The following DDX46 variants were observed in gnomAD, a reference collection of about 807,000 sequenced individuals.
DDX46 encodes the protein DEAD-box helicase 46, also known as probable ATP-dependent RNA helicase DDX46.
A neutral mutation model predicts 134.9 loss-of-function variants in DDX46; 30 were observed. That is an observed-to-expected ratio of 0.22 (90% CI 0.17 to 0.30). DDX46 has a LOEUF of 0.30. Ranked by LOEUF, DDX46 falls within the 10% of genes least tolerant of loss-of-function variation. DDX46 has a pLI of 1.00. For synonymous variants in DDX46, 415 were observed against 404.1 expected (o/e 1.03, Z -0.32); for missense variants, 622 against 1,248.7 (o/e 0.50, Z 7.56).
At chr5:134,795,109 A>G (rs1300332089) in intron 14 of DDX46, 95 bp downstream of exon 14, 6 of 1,459,440 alleles carry the variant, frequency 4.1e-6, no homozygotes, top group Non-Finnish European at 5.6e-6. Context: ...AGGCAAGGTA[A>G]TTTCTAAAAT....
chr5:134,780,188 ATATATG>A (rs1298948475), intron 6 of DDX46, among the ~76,000 whole-genome samples: 2 of 151,030 alleles, frequency 1.3e-5, no homozygotes, highest in African/African-American at 2.4e-5. Flanking sequence ...GTGTGTATGT[ATATATG>A]TATGTGTATG....
At position 134,783,082 on chromosome 5, in the gene DDX46, T is replaced by G. The variant is rs200797730; in HGVS notation, c.1166+17T>G. 4.2e-5 allele frequency: 68 copies of G among 1,611,364 alleles called. No individual in the cohort carries two copies. Among genetic ancestry groups the G allele is most frequent in the African/African-American group, 4.0e-4 (30 of 74,986 alleles). On this transcript the variant is annotated intron_variant, in intron 9 of 22. Transcript: ENST00000452510. ...CCTCAAGAAGTAAGTGGTTGGTGGT[T>G]GTTTATGTTTTCCGTGTCTTGCTGC...
chr5:134,796,871 G>A (rs998561528), intron 15 of DDX46, among the ~76,000 whole-genome samples: 3 of 142,800 alleles, frequency 2.1e-5, no homozygotes, highest in African/African-American at 7.8e-5. Context: ...AAAAAAAAAG[G>A]CCAGGCGAGG....
chr5:134,782,108 T>G (rs2150140902), intron 8 of DDX46, 22 bp downstream of exon 8: 1 of 1,574,956 alleles, frequency 6.3e-7, no homozygotes, highest in Admixed American at 2.0e-5. Flanking sequence ...TTTTTTCATT[T>G]ACTGGTTATA....
intron 11 of DDX46, among the ~76,000 whole-genome samples, chr5:134,786,243 A>G (rs962039180): frequency 1.3e-5 from 2 of 152,182 alleles, no homozygotes; most frequent in Non-Finnish European, 2.9e-5. Context: ...GTGTATATGT[A>G]TATCAAACAT....
chr5:134,791,975 C>G (rs1249327974), intron 13 of DDX46, among the ~76,000 whole-genome samples: 2 of 152,102 alleles, frequency 1.3e-5, no homozygotes, highest in East Asian at 1.9e-4. Context: ...GTCAGGAGAT[C>G]AGCCTAGCCT....
At chr5:134,813,396 A>T (rs1227444506) in intron 18 of DDX46, among the ~76,000 whole-genome samples, 3 of 152,242 alleles carry the variant, frequency 2.0e-5, no homozygotes, top group Admixed American at 6.5e-5. Context: ...GTGAGATTGC[A>T]GTCATCTGCA....
Position 134,814,511 on chromosome 5 carries a change from G to A in DDX46, c.2437-1919G>A, listed in dbSNP as rs183882000. On this transcript the variant is annotated intron_variant, in intron 18 of 22. Transcript: ENST00000452510. ...CTGATTTTATGAATTTGTTCAGATT[G>A]TAATACCATGAATGCTATTTAATTT... Among the ~76,000 whole-genome samples, 315 of 152,284 alleles carry A rather than the reference G, an allele frequency of 2.1e-3. 1 individual carries two copies. The highest frequency in any genetic ancestry group is 6.9e-3 in the African/African-American group (288 of 41,548).
In DDX46 at chr5:134,784,374, A is replaced by G; in HGVS notation, c.1175A>G (p.Tyr392Cys). The stretch of plus-strand genomic sequence containing the variant: ...TTGGTTTTCTTTTTAAGGCATGGCT[A>G]TGAAAAGCCCACGCCCATCCAAACC... ...KILNSLKKHG[Y>C]EKPTPIQTQA... The change falls in exon 10 of 23, where the codon TAT becomes TGT. Residue 392 changes from tyrosine (Y) to cysteine (C), a missense_variant. By Grantham distance (194) the Tyr-to-Cys change is radical. Transcript: ENST00000452510. 2 of 1,602,028 alleles carry G rather than the reference A, an allele frequency of 1.2e-6. No individual in the cohort carries two copies. Among genetic ancestry groups the G allele is most frequent in the Non-Finnish European group, 1.7e-6 (2 of 1,176,022 alleles).
chr5:134,777,359 A>G (rs1019032431), intron 5 of DDX46, among the ~76,000 whole-genome samples: 2 of 152,176 alleles, frequency 1.3e-5, no homozygotes, highest in African/African-American at 4.8e-5. Context: ...ATTCATATTT[A>G]TTTTGTCATT....
chr5:134,760,150 A>G (rs935327834), intron 1 of DDX46, among the ~76,000 whole-genome samples: 2 of 152,200 alleles, frequency 1.3e-5, no homozygotes, highest in African/African-American at 4.8e-5. Context: ...AGATGATGGC[A>G]TGCCCCTGAC....
At chr5:134,781,549 A>G (rs940427609) in intron 7 of DDX46, among the ~76,000 whole-genome samples, 5 of 152,218 alleles carry the variant, frequency 3.3e-5, no homozygotes, top group African/African-American at 1.2e-4. Context: ...ATTAACACGT[A>G]AAGATTTATA....
At chr5:134,815,257 A>C (rs768697838) in intron 18 of DDX46, among the ~76,000 whole-genome samples, 39 of 152,224 alleles carry the variant, frequency 2.6e-4, no homozygotes, top group Non-Finnish European at 5.1e-4. Context: ...TTGTAAATTA[A>C]CCAATTAATT....
chr5:134,793,784 T>C (rs564405695), intron 13 of DDX46, among the ~76,000 whole-genome samples: 1 of 152,322 alleles, frequency 6.6e-6, no homozygotes, highest in East Asian at 1.9e-4. Flanking sequence ...TACTGTTTTT[T>C]ATTACTGTTA....
chr5:134,826,929 T>C lies in DDX46; in HGVS notation c.2978-18T>C. 1.2e-6 allele frequency: 2 copies of C among 1,610,450 alleles called. No individual in the cohort carries two copies. The highest frequency in any genetic ancestry group is 1.7e-6 in the Non-Finnish European group (2 of 1,178,610). ...AAGTTTAGTAATTTGAATAATATGC[T>C]TTCCACTCAATCACTAGGTGCCAAT... On this transcript the variant is annotated intron_variant, in intron 21 of 22. Coordinates refer to ENST00000452510, the MANE Select transcript of DDX46 (RefSeq NM_001300860.2).
intron 16 of DDX46, among the ~76,000 whole-genome samples, chr5:134,808,730 T>G (rs1399664368): frequency 6.6e-6 from 1 of 152,220 alleles, no homozygotes; most frequent in East Asian, 1.9e-4. Context: ...ACCTGTATTC[T>G]AGAAACTGTA....
intron 16 of DDX46, among the ~76,000 whole-genome samples, chr5:134,810,146 C>T (rs549304772): frequency 6.6e-6 from 1 of 152,032 alleles, no homozygotes; most frequent in South Asian, 2.1e-4. Flanking sequence ...CTCCTAGGCT[C>T]AAGCTATCTT....
chr5:134,776,425 T>TA (rs1753939396), intron 5 of DDX46, among the ~76,000 whole-genome samples: 1 of 151,078 alleles, frequency 6.6e-6, no homozygotes, highest in African/African-American at 2.4e-5. Context: ...AAAGCAAAAA[T>TA]ATACTTACTG....
chr5:134,816,883 G>GT, intron 19 of DDX46: 1 of 311,432 alleles, frequency 3.2e-6, no homozygotes, highest in Non-Finnish European at 5.9e-6. Flanking sequence ...TCTTAAAGAT[G>GT]TATTAATAAT....
Sources: gnomAD v4.1 joint callset for allele counts (sites outside exome capture counted in the v4.1 genomes callset) on GRCh38, gnomAD v4.1.1 for gene constraint, MANE v1.5 for transcripts, NCBI Gene and HGNC (gene_info 2026-07-23, HGNC 2026-07-21) for gene names.